The following SORCS3 variants were observed in gnomAD, a reference collection of about 807,000 sequenced individuals.
SORCS3 encodes the protein VPS10 domain-containing receptor SorCS3.
A neutral mutation model predicts 146.3 loss-of-function variants in SORCS3; 57 were observed. The observed-to-expected ratio is 0.39, with a 90% CI of 0.31 to 0.49. The LOEUF (loss-of-function observed/expected upper bound fraction) is 0.49. SORCS3 is among the 20% of genes least tolerant of loss of function. The pLI is 0.92. For synonymous variants in SORCS3, 653 were observed against 618.5 expected (o/e 1.06, Z -0.83); for missense variants, 1,341 against 1,575.5 (o/e 0.85, Z 2.52).
In SORCS3 at chr10:105,200,134, T is replaced by C. The variant is rs1450515758; in HGVS notation, c.2127+18T>C. On this transcript the variant is annotated intron_variant, in intron 15 of 26. Transcript: ENST00000369701. ...TCAATCAGGTACACACCCCAGGGAG[T>C]TGGAGTGCTGGCTTTGAGGAGGAGG... 6.3e-7 allele frequency: 1 copy of C among 1,592,478 alleles called. No homozygotes were observed.
rs569715956 is a variant in SORCS3 at position 105,126,787 on chromosome 10, G to T, written c.1213-12610G>T. Among the ~76,000 whole-genome samples the T allele has an allele frequency of 9.4e-4, 143 of 152,276 alleles. 3 individuals carry two copies. The South Asian group carries it at 0.029, about 31-fold the overall frequency. ...TCTACAAAATGGAGATAGGATGAGGGTGGATTTTATTGTAATTGTAGAAGG... is the reference window on the plus strand; with the variant it reads ...TCTACAAAATGGAGATAGGATGAGGTTGGATTTTATTGTAATTGTAGAAGG... On this transcript the variant is annotated intron_variant, in intron 7 of 26. Coordinates refer to ENST00000369701, the MANE Select transcript of SORCS3 (RefSeq NM_014978.3).
intron 3 of SORCS3, among the ~76,000 whole-genome samples, chr10:104,962,464 G>A (rs2054801564): frequency 6.6e-6 from 1 of 152,086 alleles, no homozygotes; most frequent in South Asian, 2.1e-4. Context: ...TATGGTGTGT[G>A]GGATAGTTTG....
chr10:104,993,131 T>A (rs1487842495), intron 4 of SORCS3, among the ~76,000 whole-genome samples: 1 of 152,226 alleles, frequency 6.6e-6, no homozygotes, highest in East Asian at 1.9e-4. Flanking sequence ...TCTGATGGTC[T>A]GATTGCCTAC....
At chr10:104,714,557 A>G (rs1589469059) in intron 1 of SORCS3, among the ~76,000 whole-genome samples, 2 of 152,190 alleles carry the variant, frequency 1.3e-5, no homozygotes, top group East Asian at 3.8e-4. Context: ...GGGAATTTTT[A>G]CAACTATCTT....
intron 1 of SORCS3, among the ~76,000 whole-genome samples, chr10:104,760,880 A>T (rs1241556413): frequency 6.6e-6 from 1 of 151,970 alleles, no homozygotes; most frequent in East Asian, 1.9e-4. Flanking sequence ...AACAATGAGG[A>T]TTCTGAAGTA....
intron 1 of SORCS3, among the ~76,000 whole-genome samples, chr10:104,740,833 A>G (rs918487649): frequency 2.0e-5 from 3 of 152,080 alleles, no homozygotes; most frequent in African/African-American, 7.2e-5. Context: ...TTCTTCTAGG[A>G]TCTTATCTAT....
In SORCS3 at chr10:104,925,727, C is replaced by T. The variant is rs890477549; in HGVS notation, c.795+9795C>T. Among the ~76,000 whole-genome samples the T allele has an allele frequency of 3.3e-5, 5 of 152,176 alleles. No individual in the cohort carries two copies. The East Asian group carries it at 5.8e-4, about 18-fold the overall frequency. ...CAATGGTAAAGTGTCCCAAAACTGA[C>T]ATGTTAGCTAACAGGCTTCTGAATG... On this transcript the variant is annotated intron_variant, in intron 3 of 26. Transcript: ENST00000369701.
At chr10:104,889,334 G>A (rs1162441288) in intron 2 of SORCS3, among the ~76,000 whole-genome samples, 3 of 145,494 alleles carry the variant, frequency 2.1e-5, no homozygotes, top group Admixed American at 6.9e-5. Flanking sequence ...TTTAATTAAA[G>A]TTCTAGATCA....
intron 7 of SORCS3, among the ~76,000 whole-genome samples, chr10:105,119,595 G>A (rs548135649): frequency 6.6e-6 from 1 of 152,322 alleles, no homozygotes; most frequent in African/African-American, 2.4e-5. Context: ...CACAGGGGCA[G>A]AGCTACCCAA....
intron 1 of SORCS3, among the ~76,000 whole-genome samples, chr10:104,685,073 C>A (rs1464528480): frequency 2.0e-5 from 3 of 152,084 alleles, no homozygotes; most frequent in Non-Finnish European, 4.4e-5. Context: ...CTGCCTTGGC[C>A]TCCAAAAGTG....
intron 1 of SORCS3, among the ~76,000 whole-genome samples, chr10:104,652,525 A>G (rs2015575511): frequency 6.6e-6 from 1 of 152,184 alleles, no homozygotes; most frequent in South Asian, 2.1e-4. Context: ...TCATTCCTTA[A>G]GGAGCTAGAG....
chr10:104,661,565 G>T (rs2015701317), intron 1 of SORCS3, among the ~76,000 whole-genome samples: 1 of 152,098 alleles, frequency 6.6e-6, no homozygotes, highest in Non-Finnish European at 1.5e-5. Context: ...CTTTTTAAGA[G>T]GAGACTTGCT....
chr10:104,648,557 C>G (rs537509258), intron 1 of SORCS3, among the ~76,000 whole-genome samples: 1 of 152,090 alleles, frequency 6.6e-6, no homozygotes, highest in Non-Finnish European at 1.5e-5. Context: ...GCCCACCCAC[C>G]GCGGTGGCTG....
At chr10:105,005,857 T>C (rs762168647) in intron 4 of SORCS3, among the ~76,000 whole-genome samples, 20 of 152,222 alleles carry the variant, frequency 1.3e-4, no homozygotes, top group Non-Finnish European at 2.4e-4. Context: ...GGATATCTTA[T>C]AAATATGCCA....
In SORCS3 at chr10:104,985,470, T is replaced by C. The variant is rs147381352; in HGVS notation, c.954+7977T>C. Among the ~76,000 whole-genome samples the C allele has an allele frequency of 1.1e-3, 165 of 152,166 alleles. 1 individual carries two copies. The highest frequency in any genetic ancestry group is 3.9e-3 in the African/African-American group (163 of 41,534). ...AACCTCTCAAAGTCATCCATGAGAG[T>C]TGGAATCAACTTCTTTCAAGCTCCT... On this transcript the variant is annotated intron_variant, in intron 4 of 26. Coordinates refer to ENST00000369701, the MANE Select transcript of SORCS3 (RefSeq NM_014978.3).
intron 1 of SORCS3, among the ~76,000 whole-genome samples, chr10:104,801,517 C>G (rs1286633343): frequency 6.6e-6 from 1 of 152,166 alleles, no homozygotes; most frequent in East Asian, 1.9e-4. Context: ...GATGAATGCT[C>G]AATTGAAGTG....
At chr10:104,657,743 G>A (rs2015650429) in intron 1 of SORCS3, among the ~76,000 whole-genome samples, 1 of 152,138 alleles carries the variant, frequency 6.6e-6, no homozygotes, top group Admixed American at 6.5e-5. Context: ...TATTCTTGTT[G>A]GAGTTGAAAT....
intron 3 of SORCS3, among the ~76,000 whole-genome samples, chr10:104,965,287 C>T (rs1439173066): frequency 6.6e-6 from 1 of 152,196 alleles, no homozygotes; most frequent in East Asian, 1.9e-4. Flanking sequence ...TCAACACTGA[C>T]TGTCTGCCTG....
At chr10:104,741,544 C>T (rs1652124738) in intron 1 of SORCS3, among the ~76,000 whole-genome samples, 2 of 150,640 alleles carry the variant, frequency 1.3e-5, no homozygotes, top group African/African-American at 2.4e-5. Flanking sequence ...TTTTTCTCTC[C>T]TTCTGGAAAT....
Sources: allele counts gnomAD v4.1 joint callset (sites outside exome capture counted in the v4.1 genomes callset), GRCh38; gene constraint gnomAD v4.1.1; transcripts MANE v1.5; gene names NCBI Gene and HGNC (gene_info 2026-07-23, HGNC 2026-07-21).